The following DDX1 variants were observed in gnomAD, a reference collection of about 807,000 sequenced individuals.
DDX1 encodes DEAD-box helicase 1.
DDX1 carries 28 observed loss-of-function variants against 108.7 expected under a neutral mutation model. The observed-to-expected ratio is 0.26, with a 90% CI of 0.19 to 0.35. The LOEUF (loss-of-function observed/expected upper bound fraction) is 0.35. Among genes scored for constraint, DDX1 ranks in the 10% least tolerant of loss-of-function variants. The probability of loss-of-function intolerance (pLI) is 1.00; values close to 1 mark genes in which losing one functional copy is unlikely to be tolerated. For missense variants in DDX1, 710 were observed against 884.5 expected (o/e 0.80, Z 2.50); for synonymous variants, 295 against 288.9 (o/e 1.02, Z -0.21).
At position 15,618,459 on chromosome 2, in the gene DDX1, C is replaced by A. The variant is rs570221287; in HGVS notation, c.1206+189C>A. Among the ~76,000 whole-genome samples, 3 of 152,328 alleles carry A rather than the reference C, an allele frequency of 2.0e-5. No individual in the cohort carries two copies. In the East Asian group the frequency reaches 5.8e-4, roughly 29 times the overall value. On this transcript the variant is annotated intron_variant, in intron 16 of 25. Coordinates refer to ENST00000233084, the MANE Select transcript of DDX1 (RefSeq NM_004939.3). The stretch of plus-strand genomic sequence containing the variant: ...CTCAGCTCTCACTACCAGCCTGGAC[C>A]CCATGCCTCCCAAGGGTGAGCCAGG...
At chr2:15,594,075 CAA>C (rs146717238) in intron 1 of DDX1, among the ~76,000 whole-genome samples, 3 of 142,882 alleles carry the variant, frequency 2.1e-5, no homozygotes, top group Admixed American at 2.1e-4. Context: ...GAGACTGTCT[CAA>C]AAAAAAACAA....
Position 15,606,143 on chromosome 2 carries a change from A to T in DDX1, c.703-7A>T, listed in dbSNP as rs370952467. The T allele has an allele frequency of 3.7e-6, 6 of 1,607,890 alleles. No homozygotes were observed. The highest frequency in any genetic ancestry group is 1.1e-5 in the South Asian group (1 of 90,744). ...GAATTTTAATTTTCTGTTTTATTCA[A>T]TGCTAGAATGCTGAACTGAAATTTA... On this transcript the variant is annotated splice_polypyrimidine_tract_variant and splice_region_variant and intron_variant, in intron 11 of 25. Transcript: ENST00000233084.
chr2:15,594,095 G>T (rs970960703), intron 1 of DDX1, among the ~76,000 whole-genome samples: 2 of 150,922 alleles, frequency 1.3e-5, no homozygotes, highest in African/African-American at 2.4e-5. Flanking sequence ...CAAAAGAAAA[G>T]AAAAAAAAGA....
intron 7 of DDX1, 78 bp downstream of exon 7, chr2:15,602,709 G>T: frequency 8.5e-7 from 1 of 1,170,902 alleles, no homozygotes; most frequent in Non-Finnish European, 1.3e-6. Context: ...GTTGTTGTTT[G>T]TTTGTTTTTG....
In DDX1 at chr2:15,605,858, T is replaced by C. The variant is rs1047804095; in HGVS notation, c.626-92T>C. ...TATCCATAGTGACAGGAGAGAGGCA[T>C]GAATGCAGGTAAGCTGGTAGATTTG... is the stretch of plus-strand genomic sequence containing the variant. On this transcript the variant is annotated intron_variant, in intron 10 of 25. Transcript: ENST00000233084. 8.2e-6 allele frequency: 7 copies of C among 850,550 alleles called. No homozygotes were observed. In the African/African-American group the frequency reaches 1.0e-4, roughly 13 times the overall value. The allele number at this position is 850,550 out of a possible 1,614,324, so 52.7% of individuals were successfully genotyped here.
At chr2:15,620,946 A>G (rs1665994513) in intron 17 of DDX1, 119 bp from the exon 18 acceptor site, 1 of 610,546 alleles carries the variant, frequency 1.6e-6, no homozygotes, top group South Asian at 2.5e-5. Flanking sequence ...TATTATGAAG[A>G]CATATATCTG....
chr2:15,620,525 C>CCTTA, intron 17 of DDX1, 129 bp downstream of exon 17: 1 of 625,486 alleles, frequency 1.6e-6, no homozygotes, highest in Non-Finnish European at 2.6e-6. Context: ...CATCGTAAAC[C>CCTTA]CTTAGACCTT....
rs981707805 is a variant in DDX1 at position 15,619,637 on chromosome 2, T to A, written c.1207-571T>A. On this transcript the variant is annotated intron_variant, in intron 16 of 25. Transcript: ENST00000233084. ...TACTATGTAAAATGTTTGCTTTACG[T>A]TACTGGACGAAATAGTATACTCAAA... Among the ~76,000 whole-genome samples, 3 of 152,246 alleles carry A rather than the reference T, an allele frequency of 2.0e-5. No homozygotes were observed. The East Asian group carries it at 5.8e-4, about 29-fold the overall frequency.
At chr2:15,616,462 G>C (rs1665894964) in intron 14 of DDX1, among the ~76,000 whole-genome samples, 1 of 152,172 alleles carries the variant, frequency 6.6e-6, no homozygotes, top group Non-Finnish European at 1.5e-5. Flanking sequence ...CTATGGACTT[G>C]ACTACAAGAT....
chr2:15,602,090 C>T (rs1665597061), intron 6 of DDX1, among the ~76,000 whole-genome samples: 1 of 152,210 alleles, frequency 6.6e-6, no homozygotes, highest in African/African-American at 2.4e-5. Context: ...GTTATATAGT[C>T]ACTCAAGCTC....
At chr2:15,606,745 T>C (rs1434740539) in intron 12 of DDX1, among the ~76,000 whole-genome samples, 1 of 152,250 alleles carries the variant, frequency 6.6e-6, no homozygotes, top group East Asian at 1.9e-4. Context: ...AAAGTATATT[T>C]CATAACTTGT....
chr2:15,606,442 A>G (rs1665664409), intron 12 of DDX1, among the ~76,000 whole-genome samples, 178 bp downstream of exon 12: 2 of 152,212 alleles, frequency 1.3e-5, no homozygotes, highest in African/African-American at 4.8e-5. Flanking sequence ...ACTCTTAAGT[A>G]TTTGGTTTCA....
At chr2:15,593,902 C>G (rs749003976) in intron 1 of DDX1, among the ~76,000 whole-genome samples, 3 of 151,906 alleles carry the variant, frequency 2.0e-5, no homozygotes, top group Non-Finnish European at 2.9e-5. Context: ...CAGTGAAACC[C>G]CGTCTCTACT....
At chr2:15,606,794 A>G (rs914613164) in intron 12 of DDX1, among the ~76,000 whole-genome samples, 5 of 152,194 alleles carry the variant, frequency 3.3e-5, no homozygotes, top group Admixed American at 2.6e-4. Context: ...TAGACATATC[A>G]ATCAATTAGA....
rs150312662 is a variant in DDX1 at position 15,613,433 on chromosome 2, G to T, written c.1017+149G>T. ...TTGTTCAAAGACATCTTGCAAGTGCGCCTTTTCTTCTCCTGGAAGTATACA... is the reference window on the plus strand; with the variant it reads ...TTGTTCAAAGACATCTTGCAAGTGCTCCTTTTCTTCTCCTGGAAGTATACA... On this transcript the variant is annotated intron_variant, in intron 14 of 25. Transcript: ENST00000233084. The T allele has an allele frequency of 2.2e-5, 11 of 495,940 alleles. No individual in the cohort carries two copies. In the East Asian group the frequency reaches 2.7e-4, roughly 12 times the overall value. The allele number at this position is 495,940 out of a possible 1,614,324, so 30.7% of individuals were successfully genotyped here.
At position 15,601,615 on chromosome 2, in the gene DDX1, T is replaced by C. The variant is rs1327060107; in HGVS notation, c.308-933T>C. On this transcript the variant is annotated intron_variant, in intron 6 of 25. Coordinates refer to ENST00000233084, the MANE Select transcript of DDX1 (RefSeq NM_004939.3). The stretch of plus-strand genomic sequence containing the variant: ...AGGGGCTTGGAGCTTCTCCCCTCCC[T>C]GGGCATGACACCCTTCAGGAACCGT... Among the ~76,000 whole-genome samples the C allele has an allele frequency of 3.3e-5, 5 of 152,300 alleles. No individual in the cohort carries two copies. In the South Asian group the frequency reaches 8.3e-4, roughly 25 times the overall value.
At chr2:15,607,626 G>T (rs940148339) in intron 13 of DDX1, among the ~76,000 whole-genome samples, 1 of 151,822 alleles carries the variant, frequency 6.6e-6, no homozygotes, top group Admixed American at 6.6e-5. Context: ...TCAATCTGTC[G>T]CCCAGGCTGG....
At position 15,628,399 on chromosome 2, in the gene DDX1, G is replaced by C. The variant is rs755588658; in HGVS notation, c.1687-46G>C. On this transcript the variant is annotated intron_variant, in intron 20 of 25. Transcript: ENST00000233084. ...GGATAGCATTTGTTTTTATTGTTTA[G>C]TATATGTGCTAACAAACTCCTTTCT... The C allele has an allele frequency of 2.2e-6, 3 of 1,384,530 alleles. No homozygotes were observed. The South Asian group carries it at 3.5e-5, about 16-fold the overall frequency. The allele number at this position is 1,384,530 out of a possible 1,614,324, so 85.8% of individuals were successfully genotyped here. A position where few individuals can be genotyped will look rare whatever the true frequency, so the allele number is the denominator to read the frequency against.
intron 17 of DDX1, 23 bp downstream of exon 17, chr2:15,620,419 A>T: frequency 6.3e-7 from 1 of 1,578,144 alleles, no homozygotes; most frequent in Non-Finnish European, 8.6e-7. Flanking sequence ...TAATATTAAC[A>T]TTTATGTAGA....
Sources: gnomAD v4.1 joint callset for allele counts (sites outside exome capture counted in the v4.1 genomes callset) on GRCh38, gnomAD v4.1.1 for gene constraint, MANE v1.5 for transcripts, NCBI Gene and HGNC (gene_info 2026-07-23, HGNC 2026-07-21) for gene names.